KIAA0586: variants seen among roughly 807,000 people sequenced by gnomAD.
KIAA0586 encodes protein TALPID3.
A neutral mutation model predicts 169.8 loss-of-function variants in KIAA0586; 144 were observed. The ratio of observed to expected loss-of-function variants is 0.85; its 90% CI spans 0.74 to 0.97. KIAA0586 has a LOEUF of 0.97. KIAA0586 is among the 50% of genes least tolerant of loss of function. The pLI is 0.00. For missense variants in KIAA0586, 1,854 were observed against 1,823.0 expected, an observed-to-expected ratio of 1.02 and a Z score of -0.31; for synonymous variants, 625 against 612.4, an observed-to-expected ratio of 1.02 and a Z score of -0.30.
chr14:58,464,965 G>A (rs1314824407), intron 14 of KIAA0586, among the ~76,000 whole-genome samples: 3 of 152,188 alleles, frequency 2.0e-5, no homozygotes, highest in East Asian at 3.9e-4. Flanking sequence ...TTGGCTACTC[G>A]GGAGGCTAGG....
At chr14:58,460,932 GAT>G in intron 13 of KIAA0586, 52 bp from the exon 14 acceptor site, 1 of 1,302,260 alleles carries the variant, frequency 7.7e-7, no homozygotes, top group Non-Finnish European at 1.0e-6. Flanking sequence ...AGAAAAATGA[GAT>G]AAGTGTTTGA....
chr14:58,444,324 C>T lies in KIAA0586; in HGVS notation c.807+149C>T, dbSNP rs117267864. On this transcript the variant is annotated intron_variant, in intron 6 of 30. Transcript: ENST00000652326. The stretch of plus-strand genomic sequence containing the variant: ...TGCTTATCTTTCTTCTCCTGTAATG[C>T]GGGTAACTCTGAATGTTATATCTCA... 2,596 of 635,328 alleles carry T rather than the reference C, an allele frequency of 4.1e-3. 10 individuals carry two copies. The highest frequency in any genetic ancestry group is 6.0e-3 in the Admixed American group (203 of 33,684). The allele number at this position is 635,328 out of a possible 1,614,324, so 39.4% of individuals were successfully genotyped here.
chr14:58,429,912 T>C (rs1435944470), intron 2 of KIAA0586, among the ~76,000 whole-genome samples: 1 of 152,178 alleles, frequency 6.6e-6, no homozygotes, highest in African/African-American at 2.4e-5. Context: ...ATTTGATAAA[T>C]ACAATGTTTT....
Position 58,427,756 on chromosome 14 carries a change from G to T in KIAA0586, c.-509G>T. 1.3e-6 allele frequency: 2 copies of T among 1,532,346 alleles called. No individual in the cohort carries two copies. Among genetic ancestry groups the T allele is most frequent in the Non-Finnish European group, 1.7e-6 (2 of 1,145,818 alleles). The allele number at this position is 1,532,346 out of a possible 1,614,324, so 94.9% of individuals were successfully genotyped here. Reference sequence around the variant, plus strand: ...TTACACCCACGACGGTGCGGGTCTCGGGCGTTCTGGAGATACGTAGGGGTG... The same window carrying T: ...TTACACCCACGACGGTGCGGGTCTCTGGCGTTCTGGAGATACGTAGGGGTG... On this transcript the variant is annotated 5_prime_UTR_variant, in exon 1 of 31. Transcript: ENST00000652326.
At chr14:58,512,795 CTAT>C (rs1204413969) in intron 29 of KIAA0586, among the ~76,000 whole-genome samples, 168 bp downstream of exon 29, 1 of 151,916 alleles carries the variant, frequency 6.6e-6, no homozygotes, top group Non-Finnish European at 1.5e-5. Flanking sequence ...TTGTATTTGA[CTAT>C]GTTAGTTCTT....
At position 58,547,946 on chromosome 14, in the gene KIAA0586, G is replaced by A. The variant is rs1207705947; in HGVS notation, c.*14G>A. On this transcript the variant is annotated 3_prime_UTR_variant, in exon 31 of 31. Coordinates refer to ENST00000652326, the MANE Select transcript of KIAA0586 (RefSeq NM_001329943.3). Reference sequence around the variant, plus strand: ...GATACCTTCTGAACGGGAAGAGACAGCCAGCACAGTGTTTATGCCACTGGT... The same window carrying A: ...GATACCTTCTGAACGGGAAGAGACAACCAGCACAGTGTTTATGCCACTGGT... The A allele has an allele frequency of 6.2e-7, 1 of 1,612,886 alleles. No individual in the cohort carries two copies. The highest frequency in any genetic ancestry group is 1.1e-5 in the South Asian group (1 of 90,896).
intron 29 of KIAA0586, chr14:58,521,878 A>G (rs1365505296): frequency 5.8e-6 from 7 of 1,197,184 alleles, no homozygotes; most frequent in Non-Finnish European, 7.5e-6. Flanking sequence ...CTACTAGATG[A>G]TGATGACAAT....
chr14:58,453,214 TGGCTTTTA>T (rs1253376104), intron 8 of KIAA0586, 128 bp from the exon 9 acceptor site: 1 of 455,870 alleles, frequency 2.2e-6, no homozygotes, highest in Non-Finnish European at 3.8e-6. Flanking sequence ...CCACTGCGCC[TGGCTTTTA>T]GGCTATAAAT....
chr14:58,520,042 A>G (rs1278458082), intron 29 of KIAA0586, among the ~76,000 whole-genome samples: 2 of 152,182 alleles, frequency 1.3e-5, no homozygotes, highest in Non-Finnish European at 2.9e-5. Context: ...ATTTGAGGAC[A>G]AAATAGTTGA....
intron 4 of KIAA0586, chr14:58,439,885 C>G (rs1566785332): frequency 1.1e-6 from 1 of 939,716 alleles, no homozygotes; most frequent in Non-Finnish European, 1.3e-6. Flanking sequence ...CTTAGGGACT[C>G]TTCAGTTTTG....
rs565885871 is a variant in KIAA0586, at chr14:58,476,918, C to G, written c.2826-205C>G. ...AAGCAATCTGCCCAACGTGGCCTCCCAAAGTGTTGAGATTACAGATGCACC... is the reference window on the plus strand; with the variant it reads ...AAGCAATCTGCCCAACGTGGCCTCCGAAAGTGTTGAGATTACAGATGCACC... On this transcript the variant is annotated intron_variant, in intron 19 of 30. Transcript: ENST00000652326. Among the ~76,000 whole-genome samples the G allele has an allele frequency of 2.0e-5, 3 of 152,252 alleles. No homozygotes were observed. The South Asian group carries it at 6.2e-4, about 32-fold the overall frequency.
chr14:58,439,090 G>T (rs1016044629), intron 4 of KIAA0586, among the ~76,000 whole-genome samples: 1 of 152,200 alleles, frequency 6.6e-6, no homozygotes, highest in Non-Finnish European at 1.5e-5. Context: ...GTCATGGTAA[G>T]ACCTCTGGGA....
chr14:58,481,398 T>C (rs536119232), intron 20 of KIAA0586, among the ~76,000 whole-genome samples: 14 of 152,332 alleles, frequency 9.2e-5, no homozygotes, highest in Admixed American at 6.5e-4. Flanking sequence ...CATTCAGATA[T>C]TAATATACCT....
At position 58,500,057 on chromosome 14, in the gene KIAA0586, A is replaced by T. The variant is rs2043446098; in HGVS notation, c.4168+1097A>T. Among the ~76,000 whole-genome samples the T allele has an allele frequency of 2.0e-5, 3 of 152,230 alleles. No homozygotes were observed. The South Asian group carries it at 6.2e-4, about 31-fold the overall frequency. On this transcript the variant is annotated intron_variant, in intron 27 of 30. Transcript: ENST00000652326. ...CTGTTGTGACACACTGGAAATAAGG[A>T]TAGAATAGAGAATACCAATCACTAG...
chr14:58,489,244 C>T lies in KIAA0586; in HGVS notation c.3781+370C>T, dbSNP rs566665284. On this transcript the variant is annotated intron_variant, in intron 24 of 30. Coordinates refer to ENST00000652326, the MANE Select transcript of KIAA0586 (RefSeq NM_001329943.3). Reference sequence around the variant, plus strand: ...CTGAATTTTTTTTTTTTTTTTGAGACAGGTTCTCACTGTCATGCAAGCTAG... The same window carrying T: ...CTGAATTTTTTTTTTTTTTTTGAGATAGGTTCTCACTGTCATGCAAGCTAG... Among the ~76,000 whole-genome samples, 16 of 42,158 alleles carry T rather than the reference C, an allele frequency of 3.8e-4. No individual in the cohort carries two copies. In the South Asian group the frequency reaches 0.011, roughly 29 times the overall value. 27.7% of individuals were successfully genotyped at this position (42,158 alleles called of 152,430 possible).
chr14:58,542,096 G>A (rs1250663284), intron 30 of KIAA0586, among the ~76,000 whole-genome samples: 1 of 152,042 alleles, frequency 6.6e-6, no homozygotes, highest in African/African-American at 2.4e-5. Context: ...AGTAATCTAA[G>A]TGATGCTTTT....
intron 4 of KIAA0586, among the ~76,000 whole-genome samples, chr14:58,433,922 C>T (rs910742676): frequency 2.6e-5 from 4 of 152,010 alleles, no homozygotes; most frequent in African/African-American, 9.7e-5. Flanking sequence ...TCACTTGGGC[C>T]TAGGAGTTTG....
chr14:58,449,114 G>A (rs987750219), intron 7 of KIAA0586, among the ~76,000 whole-genome samples: 7 of 151,990 alleles, frequency 4.6e-5, no homozygotes, highest in South Asian at 2.1e-4. Flanking sequence ...AAAGAAAATC[G>A]AGCTACTATC....
At chr14:58,495,017 C>A (rs529404192) in intron 26 of KIAA0586, among the ~76,000 whole-genome samples, 1 of 152,118 alleles carries the variant, frequency 6.6e-6, no homozygotes, top group South Asian at 2.1e-4. Context: ...TTTCTTTCCA[C>A]GCGTTCCAGT....
Sources: gnomAD v4.1 joint callset for allele counts (sites outside exome capture counted in the v4.1 genomes callset) on GRCh38, gnomAD v4.1.1 for gene constraint, MANE v1.5 for transcripts, NCBI Gene and HGNC (gene_info 2026-07-23, HGNC 2026-07-21) for gene names.